Variants in CNTN1 observed in about 807,000 individuals in gnomAD.
CNTN1 encodes contactin-1.
Under a neutral mutation model 126.4 loss-of-function variants are expected in CNTN1, and 38 were observed. The ratio of observed to expected loss-of-function variants is 0.30; its 90% CI spans 0.23 to 0.39. The LOEUF (loss-of-function observed/expected upper bound fraction) is 0.39. Among genes scored for constraint, CNTN1 ranks in the 10% least tolerant of loss-of-function variants. The pLI, the probability that CNTN1 is intolerant of heterozygous loss-of-function variation, is 1.00. For missense variants in CNTN1, 1,009 were observed against 1,248.4 expected, an observed-to-expected ratio of 0.81 and a Z score of 2.89; for synonymous variants, 413 against 422.6, an observed-to-expected ratio of 0.98 and a Z score of 0.28.
rs144527943 is a variant in CNTN1 at position 40,878,345 on chromosome 12, G to A, written c.-76-30012G>A. 4.6e-3 allele frequency among the ~76,000 whole-genome samples: 692 copies of A among 149,764 alleles called. 6 individuals are homozygous for A. Among genetic ancestry groups the A allele is most frequent in the African/African-American group, 0.012 (513 of 41,056 alleles). ...GAACCCTGTTCTCTGATCATTCACAGTAAGTTATAAATAGCTCATAAAATT... is the reference window on the plus strand; with the variant it reads ...GAACCCTGTTCTCTGATCATTCACAATAAGTTATAAATAGCTCATAAAATT... On this transcript the variant is annotated intron_variant, in intron 1 of 23. Coordinates refer to ENST00000551295, the MANE Select transcript of CNTN1 (RefSeq NM_001843.4).
chr12:41,027,195 C>G (rs1010047149), intron 21 of CNTN1, among the ~76,000 whole-genome samples: 2 of 151,976 alleles, frequency 1.3e-5, no homozygotes, highest in Non-Finnish European at 2.9e-5. Flanking sequence ...TCTGCCTAGA[C>G]AGAGAGACCT....
intron 1 of CNTN1, among the ~76,000 whole-genome samples, chr12:40,881,339 G>A (rs895020243): frequency 6.6e-6 from 1 of 151,842 alleles, no homozygotes; most frequent in Admixed American, 6.6e-5. Flanking sequence ...GGAATGGAAA[G>A]GGTGATATTC....
intron 1 of CNTN1, among the ~76,000 whole-genome samples, chr12:40,841,355 AAAG>A (rs1169103109): frequency 3.3e-5 from 5 of 152,154 alleles, no homozygotes; most frequent in South Asian, 2.1e-4. Context: ...TCATACATAC[AAAG>A]AAGAACTAAT....
At chr12:40,963,462 A>T (rs1947181359) in intron 15 of CNTN1, among the ~76,000 whole-genome samples, 1 of 152,144 alleles carries the variant, frequency 6.6e-6, no homozygotes, top group African/African-American at 2.4e-5. Context: ...TTTGTATAAT[A>T]TACCTGAAGG....
intron 1 of CNTN1, among the ~76,000 whole-genome samples, chr12:40,787,363 G>T (rs1339367082): frequency 6.6e-6 from 1 of 152,132 alleles, no homozygotes; most frequent in South Asian, 2.1e-4. Flanking sequence ...TGGGCACACG[G>T]GGAAAAGTGT....
At chr12:40,981,357 T>C (rs1472162786) in intron 16 of CNTN1, among the ~76,000 whole-genome samples, 1 of 152,156 alleles carries the variant, frequency 6.6e-6, no homozygotes, top group East Asian at 1.9e-4. Context: ...TGAGATTTAC[T>C]GCCCCAAAAT....
At chr12:41,010,611 G>A (rs1948622990) in intron 17 of CNTN1, among the ~76,000 whole-genome samples, 1 of 152,214 alleles carries the variant, frequency 6.6e-6, no homozygotes, top group African/African-American at 2.4e-5. Flanking sequence ...ATATTGGGAG[G>A]TGCCTTTTTA....
intron 1 of CNTN1, among the ~76,000 whole-genome samples, chr12:40,746,459 C>A (rs900087465): frequency 1.3e-5 from 2 of 151,896 alleles, no homozygotes; most frequent in Admixed American, 6.6e-5. Context: ...GAAAAAGAGA[C>A]CAAGGTAAGT....
At chr12:41,028,011 AT>A (rs752378945) in intron 22 of CNTN1, 42 bp downstream of exon 22, 1 of 1,384,786 alleles carries the variant, frequency 7.2e-7, no homozygotes. Context: ...AATTCTTGCT[AT>A]TTCAGTGAAA....
chr12:41,041,144 A>G (rs1949394959), intron 23 of CNTN1, among the ~76,000 whole-genome samples: 1 of 151,816 alleles, frequency 6.6e-6, no homozygotes, highest in Non-Finnish European at 1.5e-5. Context: ...AATTTTGTCA[A>G]AGGCCTTTTT....
intron 1 of CNTN1, among the ~76,000 whole-genome samples, chr12:40,787,598 T>C (rs11837784): frequency 0.11 from 16,052 of 152,180 alleles, 1,024 homozygotes; most frequent in Admixed American, 0.2. Flanking sequence ...TTTCATTTCA[T>C]TTCATCAAAA....
rs549439779 is a variant in CNTN1 at position 40,737,305 on chromosome 12, G to GTGTA, written c.-77+44714_-77+44715insGTAT. ...TATATATGTGTGTGTGTGTGTGTGT[G>GTGTA]TATATACACATATACATGGGAGTGT... On this transcript the variant is annotated intron_variant, in intron 1 of 23. Coordinates refer to ENST00000551295, the MANE Select transcript of CNTN1 (RefSeq NM_001843.4). Among the ~76,000 whole-genome samples, 169 of 145,874 alleles carry GTGTA rather than the reference G, an allele frequency of 1.2e-3. 1 individual carries two copies. Among genetic ancestry groups the GTGTA allele is most frequent in the African/African-American group, 3.8e-3 (151 of 39,930 alleles).
At chr12:40,921,415 G>A (rs181150763) in intron 4 of CNTN1, among the ~76,000 whole-genome samples, 37 of 152,240 alleles carry the variant, frequency 2.4e-4, no homozygotes, top group Middle Eastern at 3.4e-3. Flanking sequence ...TATACAGTTG[G>A]TTCTCTTAGT....
At chr12:41,028,940 CTT>C (rs1592428199) in intron 22 of CNTN1, 121 bp from the exon 23 acceptor site, 1 of 957,812 alleles carries the variant, frequency 1.0e-6, no homozygotes, top group East Asian at 2.6e-5. Flanking sequence ...AGTTTTTCCT[CTT>C]GTTTTAAATT....
At chr12:40,975,180 A>T (rs10784974) in intron 15 of CNTN1, among the ~76,000 whole-genome samples, 187 of 3,402 alleles carry the variant, frequency 0.055, 18 homozygotes, top group South Asian at 0.12. Context: ...AAAATGGATT[A>T]TATATATATA....
In CNTN1 at chr12:41,070,003, G is replaced by A; in HGVS notation, c.3025G>A (p.Ala1009Thr). 6.2e-7 allele frequency: 1 copy of A among 1,614,000 alleles called. No individual in the cohort carries two copies. Among genetic ancestry groups the A allele is most frequent in the South Asian group, 1.1e-5 (1 of 91,078 alleles). Residue 1009 changes from alanine (A) to threonine (T), a missense_variant, in exon 24 of 24, where the codon GCC becomes ACC. Coordinates refer to ENST00000551295, the MANE Select transcript of CNTN1 (RefSeq NM_001843.4). ...AAGTCTTCTCGGCTTACTGCTGCCT[G>A]CCTTTGGCATCCTTGTCTACTTGGA... ...SPSLLGLLLP[A>T]FGILVYLEF is the part of the protein sequence containing the mutation.
intron 20 of CNTN1, among the ~76,000 whole-genome samples, chr12:41,024,403 A>G (rs924169590): frequency 6.6e-6 from 1 of 152,074 alleles, no homozygotes; most frequent in Non-Finnish European, 1.5e-5. Flanking sequence ...TAAATCTTGA[A>G]TGCAAAAAAG....
intron 3 of CNTN1, among the ~76,000 whole-genome samples, chr12:40,915,718 C>A (rs752420221): frequency 6.6e-6 from 1 of 152,062 alleles, no homozygotes; most frequent in Non-Finnish European, 1.5e-5. Context: ...TTAAGAAAAT[C>A]CAACTTAATC....
chr12:41,030,922 G>A (rs972768305), intron 23 of CNTN1, among the ~76,000 whole-genome samples: 3 of 152,072 alleles, frequency 2.0e-5, no homozygotes, highest in Non-Finnish European at 4.4e-5. Flanking sequence ...TTTACACTTA[G>A]TGGGCAGTTT....
Sources: allele counts gnomAD v4.1 joint callset (sites outside exome capture counted in the v4.1 genomes callset), GRCh38; gene constraint gnomAD v4.1.1; transcripts MANE v1.5; gene names NCBI Gene and HGNC (gene_info 2026-07-23, HGNC 2026-07-21).